RAPGEF6: variants seen among roughly 807,000 people sequenced by gnomAD.
RAPGEF6 encodes the protein PDZ domain containing guanine nucleotide exchange factor (GEF) 2.
Under a neutral mutation model 171.4 loss-of-function variants are expected in RAPGEF6, and 56 were observed. That is an observed-to-expected ratio of 0.33 (90% CI 0.26 to 0.41). The LOEUF (loss-of-function observed/expected upper bound fraction) is 0.41. Ranked by LOEUF, RAPGEF6 falls within the 10% of genes least tolerant of loss-of-function variation. RAPGEF6 has a pLI of 1.00. For missense variants in RAPGEF6, 1,674 were observed against 1,921.4 expected, an observed-to-expected ratio of 0.87 and a Z score of 2.41; for synonymous variants, 692 against 650.1, an observed-to-expected ratio of 1.06 and a Z score of -0.98.
intron 7 of RAPGEF6, among the ~76,000 whole-genome samples, chr5:131,518,194 A>G (rs1379082117): frequency 6.6e-6 from 1 of 151,882 alleles, no homozygotes. Flanking sequence ...AATGTTAAAA[A>G]TACCTACTTA....
At chr5:131,601,787 A>G (rs907921867) in intron 3 of RAPGEF6, among the ~76,000 whole-genome samples, 7 of 152,148 alleles carry the variant, frequency 4.6e-5, no homozygotes, top group African/African-American at 1.7e-4. Flanking sequence ...TAATCATAGC[A>G]CCTTGGGAGG....
chr5:131,588,454 C>T (rs1208636391), intron 4 of RAPGEF6, among the ~76,000 whole-genome samples: 1 of 152,076 alleles, frequency 6.6e-6, no homozygotes, highest in Non-Finnish European at 1.5e-5. Context: ...GGGCCAGGTG[C>T]GGTGGCTCAC....
At chr5:131,497,973 T>C (rs1756744465) in intron 12 of RAPGEF6, among the ~76,000 whole-genome samples, 1 of 152,168 alleles carries the variant, frequency 6.6e-6, no homozygotes, top group Non-Finnish European at 1.5e-5. Flanking sequence ...GAGAGACATA[T>C]TAAGGTTTGA....
chr5:131,528,599 C>T (rs1312499674), intron 6 of RAPGEF6, among the ~76,000 whole-genome samples: 1 of 151,838 alleles, frequency 6.6e-6, no homozygotes, highest in Non-Finnish European at 1.5e-5. Flanking sequence ...ACAAAGTAAT[C>T]TCCCCACTTT....
rs745676153 is a variant in RAPGEF6 at position 131,439,532 on chromosome 5, A to G, written c.3745+49T>C. 4.5e-6 allele frequency: 7 copies of G among 1,545,910 alleles called. No individual in the cohort carries two copies. In the East Asian group the frequency reaches 1.7e-4, roughly 37 times the overall value. ...GATTGAAAAGCAAAATATGTGCTATAAAGTATTGTTTAGTTTAACAAGAAC... is the reference window on the plus strand; with the variant it reads ...GATTGAAAAGCAAAATATGTGCTATGAAGTATTGTTTAGTTTAACAAGAAC... On this transcript the variant is annotated intron_variant, in intron 24 of 27. Coordinates refer to ENST00000509018, the MANE Select transcript of RAPGEF6 (RefSeq NM_016340.6).
At chr5:131,516,505 G>A (rs116483193) in intron 7 of RAPGEF6, among the ~76,000 whole-genome samples, 3,054 of 152,244 alleles carry the variant, frequency 0.02, 104 homozygotes, top group African/African-American at 0.07. Context: ...GGTGGTAACT[G>A]AAGTCTTGGG....
rs560086016 is a variant in RAPGEF6 at position 131,603,332 on chromosome 5, T to TA, written c.141-6dup. ...CGTGCTCTTGCAGACATTAATCTAT[T>TA]AAAAAAAAAAATTGAAGATTTTATC... is the stretch of plus-strand genomic sequence containing the variant. On this transcript the variant is annotated splice_region_variant and splice_polypyrimidine_tract_variant and intron_variant, in intron 2 of 27. Coordinates refer to ENST00000509018, the MANE Select transcript of RAPGEF6 (RefSeq NM_016340.6). 45,621 of 1,227,882 alleles carry TA rather than the reference T, an allele frequency of 0.037. No homozygotes were observed. The highest frequency in any genetic ancestry group is 0.04 in the Non-Finnish European group (36,968 of 916,234). 76.1% of individuals were successfully genotyped at this position (1,227,882 alleles called of 1,614,324 possible).
At chr5:131,616,346 A>G (rs1477704669) in intron 1 of RAPGEF6, among the ~76,000 whole-genome samples, 1 of 152,204 alleles carries the variant, frequency 6.6e-6, no homozygotes, top group Non-Finnish European at 1.5e-5. Flanking sequence ...ATAAACTCAT[A>G]TTTGGAGCAC....
chr5:131,627,721 T>C (rs1023529398), intron 1 of RAPGEF6, among the ~76,000 whole-genome samples: 2 of 152,142 alleles, frequency 1.3e-5, no homozygotes, highest in African/African-American at 4.8e-5. Flanking sequence ...GTGGGGTTGT[T>C]TTCTTTTTTT....
intron 4 of RAPGEF6, among the ~76,000 whole-genome samples, chr5:131,573,508 T>C (rs1173736856): frequency 6.6e-6 from 1 of 152,074 alleles, no homozygotes; most frequent in Non-Finnish European, 1.5e-5. Flanking sequence ...TCCTGACCTC[T>C]ACCCTCTCCT....
intron 4 of RAPGEF6, among the ~76,000 whole-genome samples, chr5:131,563,364 T>C (rs1249512394): frequency 6.6e-6 from 1 of 152,150 alleles, no homozygotes; most frequent in African/African-American, 2.4e-5. Context: ...TAAAGTAACA[T>C]AGCTATACTT....
intron 23 of RAPGEF6, among the ~76,000 whole-genome samples, chr5:131,441,109 A>G (rs1752356351): frequency 6.6e-6 from 1 of 152,210 alleles, no homozygotes; most frequent in Non-Finnish European, 1.5e-5. Flanking sequence ...GGCATGGCAC[A>G]TTGTAATTTC....
intron 24 of RAPGEF6, among the ~76,000 whole-genome samples, chr5:131,435,227 T>A (rs923620186): frequency 3.9e-5 from 6 of 152,242 alleles, no homozygotes; most frequent in African/African-American, 1.4e-4. Context: ...TTGGCCTACG[T>A]GGACAGGAAC....
chr5:131,574,070 A>G (rs1328720410), intron 4 of RAPGEF6, among the ~76,000 whole-genome samples: 1 of 152,204 alleles, frequency 6.6e-6, no homozygotes, highest in Non-Finnish European at 1.5e-5. Context: ...TCCAGCATAC[A>G]AAACCTTCAG....
intron 15 of RAPGEF6, 104 bp from the exon 16 acceptor site, chr5:131,479,857 A>G (rs1755351160): frequency 8.2e-7 from 1 of 1,216,170 alleles, no homozygotes; most frequent in African/African-American, 1.5e-5. Flanking sequence ...CATTATTTGA[A>G]CTTTCTCAGT....
chr5:131,602,271 A>G (rs1415184874), intron 3 of RAPGEF6, among the ~76,000 whole-genome samples: 1 of 152,152 alleles, frequency 6.6e-6, no homozygotes, highest in Non-Finnish European at 1.5e-5. Context: ...TATTGCTCCT[A>G]GTTTACATAC....
intron 5 of RAPGEF6, among the ~76,000 whole-genome samples, chr5:131,550,624 C>T (rs1760862310): frequency 6.6e-6 from 1 of 152,204 alleles, no homozygotes; most frequent in Non-Finnish European, 1.5e-5. Flanking sequence ...TGTTATCATA[C>T]CCATTCTGTC....
intron 1 of RAPGEF6, among the ~76,000 whole-genome samples, chr5:131,616,389 T>C (rs985913240): frequency 7.2e-5 from 11 of 152,218 alleles, no homozygotes; most frequent in African/African-American, 2.4e-4. Context: ...TTTAAACATA[T>C]ATTTCTAATT....
intron 12 of RAPGEF6, 143 bp downstream of exon 12, chr5:131,498,300 T>C: frequency 1.3e-6 from 1 of 771,558 alleles, no homozygotes; most frequent in Non-Finnish European, 2.0e-6. Flanking sequence ...GCAGAGAATG[T>C]TTATACTGAT....
Sources: gnomAD v4.1 joint callset for allele counts (sites outside exome capture counted in the v4.1 genomes callset) on GRCh38, gnomAD v4.1.1 for gene constraint, MANE v1.5 for transcripts, NCBI Gene and HGNC (gene_info 2026-07-23, HGNC 2026-07-21) for gene names.